EPB41: variants seen among roughly 807,000 people sequenced by gnomAD.
EPB41 encodes protein 4.1.
A neutral mutation model predicts 108.0 loss-of-function variants in EPB41; 65 were observed. That is an observed-to-expected ratio of 0.60 (90% CI 0.49 to 0.74). EPB41 has a LOEUF of 0.74. Ranked by LOEUF, EPB41 falls within the 30% of genes least tolerant of loss-of-function variation. EPB41 has a pLI of 0.00. For missense variants in EPB41, 875 were observed against 1,037.0 expected (o/e 0.84, Z 2.15); for synonymous variants, 336 against 358.9 (o/e 0.94, Z 0.72).
chr1:29,109,132 A>G (rs1668294592), intron 17 of EPB41, among the ~76,000 whole-genome samples: 1 of 151,398 alleles, frequency 6.6e-6, no homozygotes, highest in African/African-American at 2.4e-5. Context: ...CGGGAAGCGG[A>G]GGTTGCAGTG....
chr1:29,067,447 GAT>G (rs1446089086), intron 16 of EPB41, among the ~76,000 whole-genome samples: 3 of 140,374 alleles, frequency 2.1e-5, no homozygotes, highest in Admixed American at 1.5e-4. Flanking sequence ...AGTGAGCCGA[GAT>G]CGCGCCACTG....
chr1:28,969,503 C>T (rs1319626651), intron 1 of EPB41, among the ~76,000 whole-genome samples: 1 of 151,572 alleles, frequency 6.6e-6, no homozygotes, highest in Non-Finnish European at 1.5e-5. Context: ...CAGTGGCTCA[C>T]GCCTGTAATC....
intron 1 of EPB41, among the ~76,000 whole-genome samples, chr1:28,960,777 A>G (rs1331786647): frequency 1.3e-5 from 2 of 151,780 alleles, no homozygotes; most frequent in South Asian, 2.1e-4. Context: ...TCACGCCTGT[A>G]ATCCTAACAC....
At chr1:28,917,101 TTTA>T (rs1180757388) in intron 1 of EPB41, among the ~76,000 whole-genome samples, 2 of 151,868 alleles carry the variant, frequency 1.3e-5, no homozygotes, top group African/African-American at 2.4e-5. Flanking sequence ...TCTCCCAACA[TTTA>T]TTAAGTGTTT....
chr1:28,921,791 C>T (rs941516752), intron 1 of EPB41, among the ~76,000 whole-genome samples: 3 of 151,392 alleles, frequency 2.0e-5, no homozygotes, highest in Non-Finnish European at 4.4e-5. Context: ...AAAATGAGCT[C>T]TTTGTGAGGT....
chr1:29,077,802 C>T (rs1654724063), intron 16 of EPB41, among the ~76,000 whole-genome samples: 1 of 152,170 alleles, frequency 6.6e-6, no homozygotes, highest in Admixed American at 6.5e-5. Context: ...GATTATGCTC[C>T]AATCAAACTT....
chr1:28,916,585 C>T (rs925681404), intron 1 of EPB41, among the ~76,000 whole-genome samples: 6 of 152,018 alleles, frequency 3.9e-5, no homozygotes, highest in African/African-American at 7.3e-5. Flanking sequence ...TGCAGTGAGC[C>T]GAGATTGCAC....
At chr1:28,889,764 G>C (rs2089897087) in intron 1 of EPB41, 8 of 981,680 alleles carry the variant, frequency 8.1e-6, no homozygotes, top group Non-Finnish European at 9.7e-6. Context: ...GAGGAATCCT[G>C]AGCCCAGGTG....
chr1:29,090,891 G>A (rs1660945979), intron 16 of EPB41, among the ~76,000 whole-genome samples: 1 of 152,160 alleles, frequency 6.6e-6, no homozygotes, highest in Non-Finnish European at 1.5e-5. Context: ...TGGAGATCTG[G>A]ATAACAGTGT....
intron 1 of EPB41, among the ~76,000 whole-genome samples, chr1:28,963,742 A>G (rs2095286930): frequency 6.6e-6 from 1 of 152,250 alleles, no homozygotes; most frequent in Non-Finnish European, 1.5e-5. Context: ...GTGATGCTTC[A>G]TTATAACCCT....
chr1:28,958,974 G>A (rs78924193), intron 1 of EPB41, among the ~76,000 whole-genome samples: 2,294 of 152,130 alleles, frequency 0.015, 52 homozygotes, highest in African/African-American at 0.052. Flanking sequence ...AAAACATGGC[G>A]TGTGGGCAGG....
At chr1:28,987,126 G>A (rs1291449242) in intron 1 of EPB41, among the ~76,000 whole-genome samples, 1 of 152,100 alleles carries the variant, frequency 6.6e-6, no homozygotes, top group Non-Finnish European at 1.5e-5. Context: ...TGTATTTACT[G>A]TATACAGTTC....
intron 1 of EPB41, among the ~76,000 whole-genome samples, chr1:28,907,483 A>G (rs1015282898): frequency 3.3e-5 from 5 of 151,956 alleles, no homozygotes; most frequent in Non-Finnish European, 5.9e-5. Context: ...CATTACCCCT[A>G]TGCATTGGGG....
chr1:29,020,710 T>C (rs767765096), intron 7 of EPB41, among the ~76,000 whole-genome samples: 24 of 151,964 alleles, frequency 1.6e-4, no homozygotes, highest in Admixed American at 1.6e-3. Flanking sequence ...CAGAGTGTAG[T>C]GTAGTGGTGT....
At chr1:28,902,401 T>TA (rs949526157) in intron 1 of EPB41, 1 of 984,312 alleles carries the variant, frequency 1.0e-6, no homozygotes, top group African/African-American at 1.7e-5. Flanking sequence ...AATTAGCACT[T>TA]AGGCCTAGAG....
chr1:28,930,925 T>TA (rs1458204278), intron 1 of EPB41, among the ~76,000 whole-genome samples: 1 of 152,196 alleles, frequency 6.6e-6, no homozygotes, highest in Admixed American at 6.5e-5. Context: ...GGGAGATTTT[T>TA]AAACATATCT....
chr1:28,900,182 T>C (rs2091126414), intron 1 of EPB41, among the ~76,000 whole-genome samples: 1 of 152,108 alleles, frequency 6.6e-6, no homozygotes, highest in Non-Finnish European at 1.5e-5. Flanking sequence ...ATTCATTCAA[T>C]AAATATTTAG....
At chr1:29,090,782 G>A (rs922187961) in intron 16 of EPB41, among the ~76,000 whole-genome samples, 1 of 152,096 alleles carries the variant, frequency 6.6e-6, no homozygotes, top group Middle Eastern at 3.2e-3. Flanking sequence ...GGAAGTTGGG[G>A]TGGGAAGCCC....
At chr1:29,082,206 C>T (rs1026459212) in intron 16 of EPB41, among the ~76,000 whole-genome samples, 2 of 151,626 alleles carry the variant, frequency 1.3e-5, no homozygotes, top group African/African-American at 4.8e-5. Flanking sequence ...CTCACTGCAA[C>T]CTCCGCCTCC....
Sources: allele counts gnomAD v4.1 joint callset (sites outside exome capture counted in the v4.1 genomes callset), GRCh38; gene constraint gnomAD v4.1.1; transcripts MANE v1.5; gene names NCBI Gene and HGNC (gene_info 2026-07-23, HGNC 2026-07-21).